CCDC150: variants seen among roughly 807,000 people sequenced by gnomAD.
CCDC150 encodes the protein coiled-coil domain-containing protein 150.
Under a neutral mutation model 156.5 loss-of-function variants are expected in CCDC150, and 151 were observed. The ratio of observed to expected loss-of-function variants is 0.97; its 90% confidence interval spans 0.85 to 1.10. The LOEUF is 1.10. Among genes scored for constraint, CCDC150 ranks in the 50% least tolerant of loss-of-function variants. CCDC150 has a pLI of 0.00. For synonymous variants in CCDC150, 452 were observed against 429.4 expected (o/e 1.05, Z -0.65); for missense variants, 1,312 against 1,268.1 (o/e 1.03, Z -0.53).
At chr2:196,707,382 AT>A (rs1304197704) in intron 15 of CCDC150, among the ~76,000 whole-genome samples, 1 of 151,742 alleles carries the variant, frequency 6.6e-6, no homozygotes, top group African/African-American at 2.4e-5. Context: ...TATTGTGTCT[AT>A]TTGATTCTTC....
At position 196,676,697 on chromosome 2, in the gene CCDC150, C is replaced by T. The variant is rs143805717; in HGVS notation, c.1406C>T (p.Ser469Phe). The T allele has an allele frequency of 4.8e-4, 771 of 1,613,544 alleles. 3 individuals carry two copies. The African/African-American group carries it at 8.8e-3, about 18-fold the overall frequency. Residue 469 changes from serine to phenylalanine, a missense_variant, in exon 12 of 28, where the codon TCT becomes TTT. Coordinates refer to ENST00000389175, the MANE Select transcript of CCDC150 (RefSeq NM_001080539.2). ...ELEASMQEKK[S>F]LLEEKERFQR... The stretch of plus-strand genomic sequence containing the variant: ...GAAGCATCAATGCAAGAGAAGAAGT[C>T]TCTGCTAGAGGAGAAAGAAAGATTT...
chr2:196,729,448 G>A (rs1698407794), intron 23 of CCDC150, 61 bp downstream of exon 23: 7 of 1,518,312 alleles, frequency 4.6e-6, no homozygotes, highest in Non-Finnish European at 6.4e-6. Context: ...TCAGTCAATG[G>A]TGTCTAGGGA....
At chr2:196,682,403 T>C (rs1300845978) in intron 13 of CCDC150, among the ~76,000 whole-genome samples, 1 of 129,678 alleles carries the variant, frequency 7.7e-6, no homozygotes, top group Non-Finnish European at 1.5e-5. Flanking sequence ...TCTTCCAACT[T>C]TTTTTTTTGT....
In CCDC150 at chr2:196,710,384, G is replaced by T. The variant is rs909479946; in HGVS notation, c.1696-1761G>T. 5.5e-5 allele frequency among the ~76,000 whole-genome samples: 7 copies of T among 126,274 alleles called. No homozygotes were observed. The East Asian group carries it at 1.4e-3, about 26-fold the overall frequency. The allele number at this position is 126,274 out of a possible 152,430, so 82.8% of individuals were successfully genotyped here. ...CACAGTATTTGGGCAGGAGTGTCCT[G>T]TTTTTCCAGGTACCATCTGTTACGG... On this transcript the variant is annotated intron_variant, in intron 15 of 27. Transcript: ENST00000389175.
chr2:196,711,212 C>G (rs1227916084), intron 15 of CCDC150, among the ~76,000 whole-genome samples: 1 of 152,132 alleles, frequency 6.6e-6, no homozygotes, highest in Non-Finnish European at 1.5e-5. Context: ...GCTATGTGAT[C>G]AGCACTCAGA....
At chr2:196,713,692 A>C in intron 17 of CCDC150, 1 of 1,397,722 alleles carries the variant, frequency 7.2e-7, no homozygotes, top group Non-Finnish European at 9.3e-7. Context: ...CGGTAAGTGA[A>C]GACCACAAAT....
At chr2:196,713,748 TC>T in intron 17 of CCDC150, 1 of 1,363,788 alleles carries the variant, frequency 7.3e-7, no homozygotes, top group Non-Finnish European at 9.5e-7. Flanking sequence ...GAAATATTAA[TC>T]CAGAAATATA....
intron 15 of CCDC150, among the ~76,000 whole-genome samples, chr2:196,702,967 A>G (rs1696341082): frequency 6.6e-6 from 1 of 152,212 alleles, no homozygotes; most frequent in Admixed American, 6.5e-5. Context: ...AGGCAGCCTC[A>G]CTTTATAACA....
chr2:196,699,953 A>G (rs1696099068), intron 14 of CCDC150, among the ~76,000 whole-genome samples: 1 of 152,240 alleles, frequency 6.6e-6, no homozygotes, highest in Non-Finnish European at 1.5e-5. Flanking sequence ...AAAATAAAGG[A>G]TATTACAAAG....
intron 12 of CCDC150, chr2:196,677,071 G>A (rs1025516554): frequency 1.4e-6 from 1 of 690,080 alleles, no homozygotes; most frequent in African/African-American, 1.8e-5. Context: ...ACTTAGGAAG[G>A]AACCAGCAGA....
intron 20 of CCDC150, 77 bp from the exon 21 acceptor site, chr2:196,721,445 G>A (rs1697903586): frequency 9.2e-7 from 1 of 1,086,810 alleles, no homozygotes; most frequent in African/African-American, 1.8e-5. Flanking sequence ...TAGAATGTGA[G>A]GAGTGATTAC....
chr2:196,729,405 T>G lies in CCDC150; in HGVS notation c.2751+18T>G. On this transcript the variant is annotated intron_variant, in intron 23 of 27. Coordinates refer to ENST00000389175, the MANE Select transcript of CCDC150 (RefSeq NM_001080539.2). ...GGATGAAGGTTGTATGGGAAACCTC[T>G]TCTCACTTCCTGGATACCCTGTGAG... The G allele has an allele frequency of 6.2e-7, 1 of 1,610,944 alleles. No individual in the cohort carries two copies.
intron 17 of CCDC150, among the ~76,000 whole-genome samples, chr2:196,717,433 T>TGCACATATACACATGCATCC (rs1395416720): frequency 6.6e-6 from 1 of 152,134 alleles, no homozygotes; most frequent in Non-Finnish European, 1.5e-5. Flanking sequence ...ACTGTGTGCA[T>TGCACATATACACATGCATCC]GCACATATAC....
In CCDC150 at chr2:196,720,222, T is replaced by C. The variant is rs997407236; in HGVS notation, c.2166-353T>C. 1.2e-5 allele frequency: 4 copies of C among 335,052 alleles called. No individual in the cohort carries two copies. In the East Asian group the frequency reaches 3.4e-4, roughly 29 times the overall value. The allele number at this position is 335,052 out of a possible 1,614,324, so 20.8% of individuals were successfully genotyped here. On this transcript the variant is annotated intron_variant, in intron 19 of 27. Transcript: ENST00000389175. ...TTAATAGGGCATATTGCCTCTATGT[T>C]ATGAGAGAACAAGTGAGTTTTCTTT...
chr2:196,693,557 G>A (rs961932246), intron 13 of CCDC150, among the ~76,000 whole-genome samples: 1 of 152,076 alleles, frequency 6.6e-6, no homozygotes, highest in Non-Finnish European at 1.5e-5. Flanking sequence ...GGTTCTTCGG[G>A]ATTTCCTTTT....
chr2:196,656,386 C>T (rs547876547), intron 2 of CCDC150, among the ~76,000 whole-genome samples: 1 of 152,234 alleles, frequency 6.6e-6, no homozygotes, highest in South Asian at 2.1e-4. Context: ...TTGCCGGATA[C>T]AGAAAAGTCT....
At chr2:196,657,338 G>C in intron 4 of CCDC150, 1 of 529,612 alleles carries the variant, frequency 1.9e-6, no homozygotes. Flanking sequence ...ATCTGTGATT[G>C]ATTATTTGTA....
rs762401762 is a variant in CCDC150, at chr2:196,712,266, C to A, written c.1803+14C>A. 1.8e-5 allele frequency: 25 copies of A among 1,358,992 alleles called. No homozygotes were observed. Among genetic ancestry groups the A allele is most frequent in the Non-Finnish European group, 2.3e-5 (23 of 991,640 alleles). 84.2% of individuals were successfully genotyped at this position (1,358,992 alleles called of 1,614,324 possible). ...AAATATGCTCAGGTGTGATTAATAT[C>A]TACAAAAGCGGATTGCTGCTATATT... On this transcript the variant is annotated intron_variant, in intron 16 of 27. Coordinates refer to ENST00000389175, the MANE Select transcript of CCDC150 (RefSeq NM_001080539.2).
intron 25 of CCDC150, 126 bp from the exon 26 acceptor site, chr2:196,730,733 G>A (rs1698474574): frequency 1.5e-6 from 1 of 667,896 alleles, no homozygotes. Context: ...TATGTCAGTA[G>A]CACCTGAAGT....
Sources: allele counts gnomAD v4.1 joint callset (sites outside exome capture counted in the v4.1 genomes callset), GRCh38; gene constraint gnomAD v4.1.1; transcripts MANE v1.5; gene names NCBI Gene and HGNC (gene_info 2026-07-23, HGNC 2026-07-21).